The following DGKB variants were observed in gnomAD, a reference collection of about 807,000 sequenced individuals.
DGKB encodes the protein diacylglycerol kinase beta.
Under a neutral mutation model 114.3 loss-of-function variants are expected in DGKB, and 67 were observed. The ratio of observed to expected loss-of-function variants is 0.59; its 90% CI spans 0.48 to 0.72. The LOEUF is 0.72. Among genes scored for constraint, DGKB ranks in the 30% least tolerant of loss-of-function variants. DGKB has a pLI of 0.00. For missense variants in DGKB, 907 were observed against 975.2 expected (o/e 0.93, Z 0.93); for synonymous variants, 398 against 323.1 (o/e 1.23, Z -2.49).
intron 12 of DGKB, among the ~76,000 whole-genome samples, chr7:14,675,247 T>A (rs1243654716): frequency 6.6e-6 from 1 of 152,126 alleles, no homozygotes; most frequent in African/African-American, 2.4e-5. Context: ...TACTGAGTCT[T>A]ATGCCAACGC....
chr7:14,696,767 C>A (rs1246575413), intron 8 of DGKB, among the ~76,000 whole-genome samples: 1 of 152,120 alleles, frequency 6.6e-6, no homozygotes, highest in Non-Finnish European at 1.5e-5. Context: ...ATTCCACATA[C>A]AAATGACAAC....
intron 5 of DGKB, among the ~76,000 whole-genome samples, chr7:14,722,166 C>G (rs1829280948): frequency 6.6e-6 from 1 of 152,126 alleles, no homozygotes; most frequent in African/African-American, 2.4e-5. Context: ...GTTGTATATT[C>G]TATGAGTTTG....
At chr7:14,847,017 G>A (rs1158974873) in intron 1 of DGKB, among the ~76,000 whole-genome samples, 3 of 152,272 alleles carry the variant, frequency 2.0e-5, no homozygotes, top group Non-Finnish European at 2.9e-5. Context: ...TGGGCCGGGC[G>A]CGGTGGCTCA....
chr7:14,938,307 T>G (rs1025988212), intron 1 of DGKB, among the ~76,000 whole-genome samples: 4 of 152,188 alleles, frequency 2.6e-5, no homozygotes, highest in Non-Finnish European at 4.4e-5. Context: ...TCTAAGAGAT[T>G]AAACAGAATA....
intron 4 of DGKB, among the ~76,000 whole-genome samples, chr7:14,743,729 G>A (rs1257328592): frequency 6.6e-6 from 1 of 151,970 alleles, no homozygotes; most frequent in Non-Finnish European, 1.5e-5. Flanking sequence ...CACAATTAAG[G>A]TTGTTATATT....
At chr7:14,504,218 A>C (rs1389249886) in intron 20 of DGKB, among the ~76,000 whole-genome samples, 1 of 152,162 alleles carries the variant, frequency 6.6e-6, no homozygotes, top group Non-Finnish European at 1.5e-5. Flanking sequence ...TTTATACTCC[A>C]AACTTTTCAT....
chr7:14,941,160 G>C (rs561516263), intron 1 of DGKB, among the ~76,000 whole-genome samples: 1 of 152,012 alleles, frequency 6.6e-6, no homozygotes, highest in South Asian at 2.1e-4. Flanking sequence ...AACTTCAGTA[G>C]GGCATGGATA....
intron 12 of DGKB, 93 bp from the exon 13 acceptor site, chr7:14,673,120 T>C (rs1819261811): frequency 5.9e-6 from 4 of 679,502 alleles, no homozygotes; most frequent in Non-Finnish European, 1.0e-5. Flanking sequence ...AGCAAACACA[T>C]TAAAAGTACA....
chr7:14,872,776 A>AT (rs1206959009), intron 1 of DGKB, among the ~76,000 whole-genome samples: 1 of 150,862 alleles, frequency 6.6e-6, no homozygotes, highest in Non-Finnish European at 1.5e-5. Flanking sequence ...AAAATTCTAA[A>AT]TTTGATTGTT....
At chr7:14,291,652 A>T (rs1801789976) in intron 23 of DGKB, among the ~76,000 whole-genome samples, 1 of 152,172 alleles carries the variant, frequency 6.6e-6, no homozygotes, top group South Asian at 2.1e-4. Context: ...TTTTCAATGT[A>T]ATCACTTTTA....
At chr7:14,495,081 A>G (rs1461476517) in intron 20 of DGKB, among the ~76,000 whole-genome samples, 1 of 151,832 alleles carries the variant, frequency 6.6e-6, no homozygotes, top group African/African-American at 2.4e-5. Context: ...ATATATTCCT[A>G]TTGTATTTCA....
chr7:14,621,407 A>C lies in DGKB; in HGVS notation c.1255T>G (p.Ser419Ala). 4 of 1,610,866 alleles carry C rather than the reference A, an allele frequency of 2.5e-6. No individual in the cohort carries two copies. The highest frequency in any genetic ancestry group is 3.4e-6 in the Non-Finnish European group (4 of 1,178,110). The change falls in exon 15 of 26, where the codon TCT becomes GCT. Residue 419 changes from serine to alanine, a missense_variant. Coordinates refer to ENST00000402815, the MANE Select transcript of DGKB (RefSeq NM_001350709.2). ...IDKNKMQRAN[S>A]VTVDGQGLQV... is the part of the protein sequence containing the mutation. Reference sequence around the variant, plus strand: ...AGGCCTTGTCCATCTACAGTAACAGAGTTGGCTCTTTGCATTTTATTCTTG... The same window carrying C: ...AGGCCTTGTCCATCTACAGTAACAGCGTTGGCTCTTTGCATTTTATTCTTG...
At chr7:14,551,576 T>C (rs2128643525) in intron 20 of DGKB, among the ~76,000 whole-genome samples, 1 of 152,290 alleles carries the variant, frequency 6.6e-6, no homozygotes, top group South Asian at 2.1e-4. Flanking sequence ...TGGGCTAAGA[T>C]AGTCTTACAT....
chr7:14,837,111 AT>A (rs373183564), intron 2 of DGKB, among the ~76,000 whole-genome samples: 65 of 152,208 alleles, frequency 4.3e-4, no homozygotes, highest in Non-Finnish European at 6.0e-4. Context: ...CACTGGACAT[AT>A]TTTTTTCCAT....
intron 8 of DGKB, among the ~76,000 whole-genome samples, chr7:14,694,874 G>T (rs1048591200): frequency 6.6e-6 from 1 of 152,048 alleles, no homozygotes; most frequent in Admixed American, 6.6e-5. Flanking sequence ...ATATAGTGTT[G>T]TTTGTGCTAT....
intron 13 of DGKB, among the ~76,000 whole-genome samples, chr7:14,643,436 C>G (rs918020940): frequency 1.3e-5 from 2 of 152,164 alleles, no homozygotes; most frequent in African/African-American, 4.8e-5. Flanking sequence ...GAGGGAAGAA[C>G]CATCACCAGA....
intron 21 of DGKB, among the ~76,000 whole-genome samples, chr7:14,365,909 A>G (rs1389209866): frequency 6.6e-6 from 1 of 152,120 alleles, no homozygotes; most frequent in African/African-American, 2.4e-5. Context: ...TGGATCACAG[A>G]TACTTGAAGA....
At chr7:14,729,276 C>CTG (rs1830532166) in intron 5 of DGKB, among the ~76,000 whole-genome samples, 1 of 140,512 alleles carries the variant, frequency 7.1e-6, no homozygotes, top group Non-Finnish European at 1.6e-5. Flanking sequence ...GCGCCTGCCA[C>CTG]CACATCCGGC....
intron 2 of DGKB, among the ~76,000 whole-genome samples, chr7:14,829,569 T>C (rs946268157): frequency 1.3e-5 from 2 of 152,198 alleles, no homozygotes; most frequent in East Asian, 3.9e-4. Flanking sequence ...CACCTGGAGT[T>C]TTATCAGTGA....
Sources: gnomAD v4.1 joint callset for allele counts (sites outside exome capture counted in the v4.1 genomes callset) on GRCh38, gnomAD v4.1.1 for gene constraint, MANE v1.5 for transcripts, NCBI Gene and HGNC (gene_info 2026-07-23, HGNC 2026-07-21) for gene names.